Variants in PVT1 observed in about 807,000 individuals in gnomAD.
PVT1 encodes the protein Pvt1 oncogene.
chr8:127,848,268 A>G (rs1334202906), intron 2 of PVT1, among the ~76,000 whole-genome samples: 1 of 152,176 alleles, frequency 6.6e-6, no homozygotes, highest in Non-Finnish European at 1.5e-5. Context: ...ACACCTGACC[A>G]AAGCCAGGTG....
At chr8:127,988,513 A>G (rs535092738) in intron 3 of PVT1, among the ~76,000 whole-genome samples, 2 of 152,280 alleles carry the variant, frequency 1.3e-5, no homozygotes, top group Middle Eastern at 6.8e-3. Context: ...CATTCTCCAC[A>G]CTGTCCCACC....
chr8:127,894,772 C>T (rs557253461), intron 3 of PVT1, among the ~76,000 whole-genome samples: 8 of 152,064 alleles, frequency 5.3e-5, no homozygotes, highest in East Asian at 3.9e-4. Context: ...ATTGGGGCAC[C>T]GGTAATTGTT....
intron 2 of PVT1, among the ~76,000 whole-genome samples, chr8:127,814,679 T>C (rs1182460355): frequency 2.0e-5 from 3 of 152,244 alleles, no homozygotes; most frequent in African/African-American, 4.8e-5. Flanking sequence ...AAAATTTACA[T>C]AATAAAATTT....
intron 3 of PVT1, among the ~76,000 whole-genome samples, chr8:127,942,903 C>T (rs1167794731): frequency 3.3e-5 from 5 of 152,180 alleles, no homozygotes; most frequent in Non-Finnish European, 7.3e-5. Context: ...TATAAACTGT[C>T]ATTTTAACTG....
At chr8:127,810,438 G>A (rs988957731) in intron 2 of PVT1, among the ~76,000 whole-genome samples, 1 of 152,226 alleles carries the variant, frequency 6.6e-6, no homozygotes, top group Non-Finnish European at 1.5e-5. Context: ...TGGTGCGTCA[G>A]AGGCTCTCAG....
chr8:128,033,360 C>T (rs1305234211), intron 4 of PVT1, among the ~76,000 whole-genome samples: 1 of 152,108 alleles, frequency 6.6e-6, no homozygotes, highest in Non-Finnish European at 1.5e-5. Context: ...TGAACCCAAA[C>T]CTGTGCCCAA....
chr8:127,982,088 G>C (rs1816888321), intron 3 of PVT1, among the ~76,000 whole-genome samples: 1 of 152,206 alleles, frequency 6.6e-6, no homozygotes, highest in African/African-American at 2.4e-5. Flanking sequence ...TGACCATTCT[G>C]TGACGTGGTT....
At chr8:127,817,520 T>TTAAATATATATGTAAATAAATATA (rs1814677864) in intron 2 of PVT1, among the ~76,000 whole-genome samples, 1 of 61,856 alleles carries the variant, frequency 1.6e-5, no homozygotes, top group Non-Finnish European at 3.1e-5. Flanking sequence ...AATAGATATA[T>TTAAATATATATGTAAATAAATATA]CTATTTAAAT....
At chr8:128,087,747 C>A in intron 5 of PVT1, among the ~76,000 whole-genome samples, 3 of 76,588 alleles carry the variant, frequency 3.9e-5, no homozygotes, top group South Asian at 4.7e-4. Context: ...TGATGTGCTA[C>A]TTTTTTTTTT....
chr8:127,810,459 T>C (rs1239018410), intron 2 of PVT1, among the ~76,000 whole-genome samples: 1 of 152,140 alleles, frequency 6.6e-6, no homozygotes, highest in East Asian at 1.9e-4. Flanking sequence ...TGAGCGTGTA[T>C]TGAATTGCTG....
intron 2 of PVT1, among the ~76,000 whole-genome samples, chr8:127,847,895 A>G (rs1002586780): frequency 1.3e-5 from 2 of 152,012 alleles, no homozygotes; most frequent in African/African-American, 4.8e-5. Flanking sequence ...AGGAAGATGC[A>G]TGAAGAAGAT....
At chr8:127,869,595 C>T (rs1815328789) in intron 2 of PVT1, among the ~76,000 whole-genome samples, 1 of 152,196 alleles carries the variant, frequency 6.6e-6, no homozygotes, top group East Asian at 1.9e-4. Flanking sequence ...TCTTTCCCTC[C>T]TCTTGTTTTT....
chr8:127,889,702 G>T (rs1270149993), intron 2 of PVT1, among the ~76,000 whole-genome samples: 1 of 152,152 alleles, frequency 6.6e-6, no homozygotes, highest in Non-Finnish European at 1.5e-5. Context: ...AGACTGTCTA[G>T]CTTCAGATTT....
At chr8:127,927,764 GAC>G (rs1586439909) in intron 3 of PVT1, among the ~76,000 whole-genome samples, 3 of 152,260 alleles carry the variant, frequency 2.0e-5, no homozygotes, top group Admixed American at 6.5e-5. Context: ...CCAACCACAG[GAC>G]ACTTGTGCCC....
chr8:127,855,243 G>A (rs1407106716), intron 2 of PVT1: 3 of 398,658 alleles, frequency 7.5e-6, no homozygotes, highest in Non-Finnish European at 8.8e-6. Flanking sequence ...GGATTGAGCC[G>A]GTGAAGCCCT....
chr8:127,877,518 A>G (rs73357015), intron 2 of PVT1, among the ~76,000 whole-genome samples: 1,733 of 152,280 alleles, frequency 0.011, 39 homozygotes, highest in African/African-American at 0.039. Context: ...GGGGACACAT[A>G]GACAACCCAG....
intron 2 of PVT1, among the ~76,000 whole-genome samples, chr8:127,805,096 A>G (rs1411533872): frequency 1.3e-5 from 2 of 149,540 alleles, no homozygotes; most frequent in Admixed American, 6.7e-5. Context: ...ACGCCCGGCT[A>G]ATTTTGTGTT....
At chr8:127,889,473 G>A (rs1417925297) in intron 2 of PVT1, among the ~76,000 whole-genome samples, 4 of 147,008 alleles carry the variant, frequency 2.7e-5, no homozygotes, top group African/African-American at 7.6e-5. Flanking sequence ...TTTTAAAGCT[G>A]TGTGACCTTG....
chr8:128,067,587 G>C (rs1813925831), intron 4 of PVT1, among the ~76,000 whole-genome samples: 1 of 152,196 alleles, frequency 6.6e-6, no homozygotes, highest in African/African-American at 2.4e-5. Flanking sequence ...TAGGGGAAAG[G>C]GGAGGCTTCC....
Sources: gnomAD v4.1 joint callset for allele counts (sites outside exome capture counted in the v4.1 genomes callset) on GRCh38, gnomAD v4.1.1 for gene constraint, MANE v1.5 for transcripts, NCBI Gene and HGNC (gene_info 2026-07-23, HGNC 2026-07-21) for gene names.